The following INTU variants were observed in gnomAD, a reference collection of about 807,000 sequenced individuals.
INTU encodes the protein protein inturned.
INTU carries 68 observed loss-of-function variants against 100.5 expected under a neutral mutation model. The observed-to-expected ratio is 0.68, with a 90% CI of 0.56 to 0.83. The LOEUF is 0.83. Ranked by LOEUF, INTU falls within the 40% of genes least tolerant of loss-of-function variation. INTU has a pLI of 0.00. For synonymous variants in INTU, 357 were observed against 395.7 expected, an observed-to-expected ratio of 0.90 and a Z score of 1.16; for missense variants, 1,071 against 1,114.7, an observed-to-expected ratio of 0.96 and a Z score of 0.56.
intron 7 of INTU, 54 bp downstream of exon 7, chr4:127,684,540 T>C: frequency 9.6e-7 from 1 of 1,042,816 alleles, no homozygotes; most frequent in Non-Finnish European, 1.4e-6. Context: ...TTCTAAGTCA[T>C]CTTCTGCATT....
intron 2 of INTU, among the ~76,000 whole-genome samples, chr4:127,649,997 A>G (rs1330573203): frequency 6.6e-6 from 1 of 152,126 alleles, no homozygotes; most frequent in Non-Finnish European, 1.5e-5. Flanking sequence ...TATTTATTTT[A>G]TTATCAGATT....
chr4:127,685,315 T>A (rs1013234729), intron 7 of INTU: 1 of 207,674 alleles, frequency 4.8e-6, no homozygotes, highest in Non-Finnish European at 1.0e-5. Context: ...AATGGTATCT[T>A]TATGTTTAAA....
In INTU at chr4:127,675,193, C is replaced by T. The variant is rs572768095; in HGVS notation, c.1181+980C>T. Among the ~76,000 whole-genome samples the T allele has an allele frequency of 4.6e-5, 7 of 152,300 alleles. No homozygotes were observed. In the East Asian group the frequency reaches 1.4e-3, roughly 29 times the overall value. ...AAGTAATTAAACACACTTTAGTTTT[C>T]TCCTTTGGTCTGTAGAATCATAGCG... On this transcript the variant is annotated intron_variant, in intron 6 of 15. Coordinates refer to ENST00000335251, the MANE Select transcript of INTU (RefSeq NM_015693.4).
intron 12 of INTU, among the ~76,000 whole-genome samples, chr4:127,707,239 A>G (rs956182193): frequency 6.6e-6 from 1 of 151,916 alleles, no homozygotes; most frequent in African/African-American, 2.4e-5. Flanking sequence ...AAAAATTGCC[A>G]GGCACGTTGG....
intron 6 of INTU, among the ~76,000 whole-genome samples, chr4:127,683,524 T>C (rs887172860): frequency 1.1e-4 from 17 of 152,146 alleles, no homozygotes; most frequent in Non-Finnish European, 2.2e-4. Context: ...AGCCCTGGGA[T>C]TTTCTCCTCG....
chr4:127,676,952 G>A (rs574788066), intron 6 of INTU, among the ~76,000 whole-genome samples: 7 of 152,260 alleles, frequency 4.6e-5, no homozygotes, highest in African/African-American at 1.7e-4. Flanking sequence ...ATTATATCCC[G>A]CACATGGCTC....
At chr4:127,634,954 A>C (rs1727002428) in intron 1 of INTU, among the ~76,000 whole-genome samples, 1 of 152,258 alleles carries the variant, frequency 6.6e-6, no homozygotes, top group Admixed American at 6.5e-5. Context: ...CAGGAATGCC[A>C]ACCTTAGTCT....
At chr4:127,650,991 TG>T (rs1425671771) in intron 2 of INTU, among the ~76,000 whole-genome samples, 9 of 152,236 alleles carry the variant, frequency 5.9e-5, no homozygotes, top group African/African-American at 2.2e-4. Context: ...TTTTTTCATG[TG>T]TTTTTTGGCT....
Position 127,705,751 on chromosome 4 carries a change from A to T in INTU, c.1727A>T (p.Asp576Val), listed in dbSNP as rs1324626365. The T allele has an allele frequency of 6.2e-7, 1 of 1,613,942 alleles. No homozygotes were observed. The highest frequency in any genetic ancestry group is 8.5e-7 in the Non-Finnish European group (1 of 1,179,968). Residue 576 changes from aspartate to valine, a missense_variant, in exon 11 of 16, where the codon GAC (aspartate) becomes GTC (valine). Physicochemically the swap from Asp to Val is radical, Grantham distance 152. Transcript: ENST00000335251. ...FPQHHLRPLA[D>V]SSTEVFPEPE... ...CAGCATCACCTCCGACCTTTGGCAG[A>T]CTCAAGCACTGAAGTCTTTCCGGAA...
At chr4:127,683,175 C>T (rs1353621327) in intron 6 of INTU, among the ~76,000 whole-genome samples, 4 of 152,268 alleles carry the variant, frequency 2.6e-5, no homozygotes, top group African/African-American at 9.6e-5. Context: ...GGGAGGCCAT[C>T]TTCCCTAAAT....
chr4:127,705,823 C>A lies in INTU; in HGVS notation c.1788+11C>A, dbSNP rs771412231. ...CTAGTTGTTGGCTTGGTAAGTTTAC[C>A]TCAGCTTCTTTCTTAGGATTTTTCT... On this transcript the variant is annotated intron_variant, in intron 11 of 15. Coordinates refer to ENST00000335251, the MANE Select transcript of INTU (RefSeq NM_015693.4). 2.5e-6 allele frequency: 4 copies of A among 1,600,696 alleles called. No individual in the cohort carries two copies. The highest frequency in any genetic ancestry group is 1.1e-5 in the South Asian group (1 of 90,238).
intron 2 of INTU, among the ~76,000 whole-genome samples, chr4:127,648,614 T>G (rs547328434): frequency 6.6e-6 from 1 of 152,308 alleles, no homozygotes; most frequent in East Asian, 1.9e-4. Flanking sequence ...TAAAATGTTT[T>G]TACTATTTCT....
intron 6 of INTU, among the ~76,000 whole-genome samples, chr4:127,682,225 A>T (rs1729600198): frequency 6.6e-6 from 1 of 152,054 alleles, no homozygotes; most frequent in Admixed American, 6.6e-5. Flanking sequence ...AACTAGAAAT[A>T]CGATTTGACC....
chr4:127,720,776 C>T lies in INTU; in HGVS notation c.*4340C>T, dbSNP rs765457839. 3.9e-5 allele frequency: 6 copies of T among 151,930 alleles called. No individual in the cohort carries two copies. The highest frequency in any genetic ancestry group is 8.8e-5 in the Non-Finnish European group (6 of 67,970). 9.4% of individuals were successfully genotyped at this position (151,930 alleles called of 1,614,324 possible). A position where few individuals can be genotyped will look rare whatever the true frequency, so the allele number is the denominator to read the frequency against. On this transcript the variant is annotated 3_prime_UTR_variant, in exon 16 of 16. Coordinates refer to ENST00000335251, the MANE Select transcript of INTU (RefSeq NM_015693.4). ...ATCTTTATTCGTTTAAAGTCTTTGT[C>T]AGAAACTAGGATTGCAGCCTCTCCT... is the stretch of plus-strand genomic sequence containing the variant.
intron 2 of INTU, among the ~76,000 whole-genome samples, chr4:127,656,331 G>C (rs1300558912): frequency 3.9e-5 from 6 of 152,110 alleles, no homozygotes; most frequent in Non-Finnish European, 8.8e-5. Context: ...TTTTCCATTT[G>C]TTCTTTGGGT....
chr4:127,636,856 T>C (rs1264269948), intron 1 of INTU, among the ~76,000 whole-genome samples: 1 of 152,198 alleles, frequency 6.6e-6, no homozygotes, highest in African/African-American at 2.4e-5. Context: ...ATTTCCTACT[T>C]TTTCTTCTGC....
chr4:127,644,581 T>G (rs889147467), intron 2 of INTU, among the ~76,000 whole-genome samples: 2 of 152,188 alleles, frequency 1.3e-5, no homozygotes, highest in Non-Finnish European at 1.5e-5. Flanking sequence ...ATAAAATATA[T>G]CTGTCATAAA....
At chr4:127,701,671 A>G (rs924817714) in intron 9 of INTU, among the ~76,000 whole-genome samples, 2 of 152,156 alleles carry the variant, frequency 1.3e-5, no homozygotes, top group Admixed American at 1.3e-4. Context: ...ATGAAACAAG[A>G]TAAGCCATGG....
chr4:127,640,540 T>TAC (rs767064734), intron 1 of INTU, among the ~76,000 whole-genome samples: 1 of 84,524 alleles, frequency 1.2e-5, no homozygotes, highest in Admixed American at 1.3e-4. Flanking sequence ...TGGGTAAAGA[T>TAC]ACATATATAT....
Sources: gnomAD v4.1 joint callset for allele counts (sites outside exome capture counted in the v4.1 genomes callset) on GRCh38, gnomAD v4.1.1 for gene constraint, MANE v1.5 for transcripts, NCBI Gene and HGNC (gene_info 2026-07-23, HGNC 2026-07-21) for gene names.